Variants in SETX observed in about 807,000 individuals in gnomAD.
SETX encodes helicase senataxin.
Under a neutral mutation model 227.2 loss-of-function variants are expected in SETX, and 90 were observed. The ratio of observed to expected loss-of-function variants is 0.40; its 90% CI spans 0.33 to 0.47. The LOEUF (loss-of-function observed/expected upper bound fraction) is 0.47. Ranked by LOEUF, SETX falls within the 20% of genes least tolerant of loss-of-function variation. The pLI, the probability that SETX is intolerant of heterozygous loss-of-function variation, is 0.91. For missense variants in SETX, 3,052 were observed against 3,181.5 expected, an observed-to-expected ratio of 0.96 and a Z score of 0.98; for synonymous variants, 1,210 against 1,113.2, an observed-to-expected ratio of 1.09 and a Z score of -1.73.
rs777849360 is a variant in SETX at position 132,330,209 on chromosome 9, T to C, written c.1389A>G (p.Val463=). 5 of 1,570,824 alleles carry C rather than the reference T, an allele frequency of 3.2e-6. No individual in the cohort carries two copies. The highest frequency in any genetic ancestry group is 4.3e-6 in the Non-Finnish European group (5 of 1,158,482). Residue 463 remains valine (V), a synonymous_variant, in exon 10 of 26, where the codon GTA becomes GTG. Coordinates refer to ENST00000224140, the MANE Select transcript of SETX (RefSeq NM_015046.7). ...TATTTCTATGCAGTTCAATCACTGATACCAAAATTAGAAGAAAAAATTCAG... is the reference window on the plus strand; with the variant it reads ...TATTTCTATGCAGTTCAATCACTGACACCAAAATTAGAAGAAAAAATTCAG... ...KVTEFFLLIL[V]SVIELHRNKK...
upstream of SETX, among the ~76,000 whole-genome samples, chr9:132,355,331 TC>T (rs1383673149): frequency 6.6e-6 from 1 of 151,728 alleles, no homozygotes; most frequent in East Asian, 2.0e-4. Context: ...GCTGGCCATT[TC>T]CGTTCCCTCT....
intron 19 of SETX, 108 bp downstream of exon 19, chr9:132,283,156 G>T: frequency 7.4e-7 from 1 of 1,350,342 alleles, no homozygotes. Flanking sequence ...GTGAAAATCA[G>T]ATGCAAAAAA....
intron 5 of SETX, among the ~76,000 whole-genome samples, 178 bp downstream of exon 5, chr9:132,342,512 C>T (rs1383280812): frequency 2.0e-5 from 3 of 152,188 alleles, no homozygotes; most frequent in Non-Finnish European, 4.4e-5. Context: ...ATCCCCTACC[C>T]TCTGAGATCC....
At chr9:132,314,558 G>A (rs1395941798) in intron 10 of SETX, among the ~76,000 whole-genome samples, 1 of 152,084 alleles carries the variant, frequency 6.6e-6, no homozygotes, top group African/African-American at 2.4e-5. Context: ...TGGTAATAAT[G>A]TAACAATCTC....
chr9:132,340,356 G>A (rs1470863045), intron 5 of SETX, among the ~76,000 whole-genome samples: 2 of 152,130 alleles, frequency 1.3e-5, no homozygotes, highest in East Asian at 3.9e-4. Flanking sequence ...CTGGACAAGT[G>A]TCCTAATATA....
chr9:132,283,370 T>A lies in SETX; in HGVS notation c.6440A>T (p.Glu2147Val). The change falls in exon 19 of 26, where the codon GAG becomes GTG. Residue 2147 changes from glutamate (E) to valine (V), a missense_variant. Transcript: ENST00000224140. ...CAACGTGCAGCAGATGATATGGGAC[T>A]CTAAGATGATGATACTCTGTGTTTT... Reference protein sequence around the residue: ...PQKTQSIIILESHIICCTLST... With the variant: ...PQKTQSIIILVSHIICCTLST... The A allele has an allele frequency of 6.2e-7, 1 of 1,614,174 alleles. No individual in the cohort carries two copies. Among genetic ancestry groups the A allele is most frequent in the Non-Finnish European group, 8.5e-7 (1 of 1,180,040 alleles).
intron 2 of SETX, among the ~76,000 whole-genome samples, chr9:132,350,317 T>C (rs759459893): frequency 2.6e-5 from 4 of 152,024 alleles, no homozygotes; most frequent in Admixed American, 2.0e-4. Flanking sequence ...GCCACTGCAC[T>C]CCAGCCTGGG....
At chr9:132,346,559 A>G in intron 3 of SETX, 88 bp from the exon 4 acceptor site, 1 of 933,032 alleles carries the variant, frequency 1.1e-6, no homozygotes, top group Non-Finnish European at 1.7e-6. Context: ...CCTTTTCCTA[A>G]GTACAAAAAT....
At chr9:132,293,973 G>A (rs973399097) in intron 15 of SETX, among the ~76,000 whole-genome samples, 4 of 152,014 alleles carry the variant, frequency 2.6e-5, no homozygotes, top group Non-Finnish European at 4.4e-5. Flanking sequence ...GCAGTGAGCC[G>A]AGATCGCGCC....
intron 12 of SETX, among the ~76,000 whole-genome samples, chr9:132,299,034 G>A (rs1844836929): frequency 6.6e-6 from 1 of 152,168 alleles, no homozygotes; most frequent in Admixed American, 6.5e-5. Flanking sequence ...TAGTAATTTA[G>A]GTAAAAGTTA....
intron 12 of SETX, 31 bp from the exon 13 acceptor site, chr9:132,298,343 A>G (rs376043992): frequency 4.5e-6 from 7 of 1,541,698 alleles, no homozygotes; most frequent in Non-Finnish European, 5.4e-6. Flanking sequence ...AAGCAACTTC[A>G]GTTATCACTG....
intron 1 of SETX, 109 bp downstream of exon 1, chr9:132,354,806 CCA>C (rs1848821357): frequency 6.6e-6 from 1 of 152,110 alleles, no homozygotes; most frequent in Non-Finnish European, 1.5e-5. Context: ...CCCCATCCGC[CCA>C]CCGGGACCTA....
intron 15 of SETX, among the ~76,000 whole-genome samples, chr9:132,294,634 G>A (rs1383169149): frequency 1.3e-5 from 2 of 152,246 alleles, no homozygotes; most frequent in Non-Finnish European, 2.9e-5. Flanking sequence ...CGGTGTGGCC[G>A]AAAGGAAATA....
At position 132,326,438 on chromosome 9, in the gene SETX, C is replaced by T. The variant is rs763408913; in HGVS notation, c.5160G>A (p.Gly1720=). 5 of 1,613,864 alleles carry T rather than the reference C, an allele frequency of 3.1e-6. No homozygotes were observed. Among genetic ancestry groups the T allele is most frequent in the Non-Finnish European group, 4.2e-6 (5 of 1,179,922 alleles). The change falls in exon 10 of 26, where the codon GGG becomes GGA. Residue 1720 remains glycine, a synonymous_variant. Coordinates refer to ENST00000224140, the MANE Select transcript of SETX (RefSeq NM_015046.7). ...YEMFLNFGQC[G]PPASLCQSIS... is the part of the protein sequence containing the mutation. The stretch of plus-strand genomic sequence containing the variant: ...TGGACTGACAAAGACTTGCAGGGGG[C>T]CCACACTGACCAAAGTTCAAAAACA...
chr9:132,335,253 T>A (rs62576477), intron 6 of SETX, among the ~76,000 whole-genome samples: 3 of 151,452 alleles, frequency 2.0e-5, no homozygotes, highest in East Asian at 2.0e-4. Flanking sequence ...TAGCCAGGCG[T>A]GGTGGCAGGC....
In SETX at chr9:132,269,603, T is replaced by C; in HGVS notation, c.7287+12A>G. On this transcript the variant is annotated intron_variant, in intron 25 of 25. Transcript: ENST00000224140. The stretch of plus-strand genomic sequence containing the variant: ...TAACAATGGGTAAACTTCTGAGCTC[T>C]CTGGTACCTACCATCAGGGTCCTCA... 6.2e-7 allele frequency: 1 copy of C among 1,614,048 alleles called. No individual in the cohort carries two copies. Among genetic ancestry groups the C allele is most frequent in the African/African-American group, 1.3e-5 (1 of 75,064 alleles).
At chr9:132,283,839 CCTGT>C (rs1473568695) in intron 18 of SETX, among the ~76,000 whole-genome samples, 6 of 151,192 alleles carry the variant, frequency 4.0e-5, no homozygotes, top group Non-Finnish European at 7.4e-5. Flanking sequence ...ATAATATTGC[CCTGT>C]CTTTTTTTAG....
intron 11 of SETX, among the ~76,000 whole-genome samples, chr9:132,305,078 A>G (rs7032656): frequency 0.25 from 37,968 of 151,910 alleles, 6,037 homozygotes; most frequent in East Asian, 0.67. Flanking sequence ...GGCCAGGCGC[A>G]GTGGCTCACG....
chr9:132,308,923 G>C (rs144353275), intron 11 of SETX, among the ~76,000 whole-genome samples: 1 of 152,108 alleles, frequency 6.6e-6, no homozygotes, highest in East Asian at 1.9e-4. Context: ...CAGATAACTT[G>C]AGGCCAGGAG....
Sources: gnomAD v4.1 joint callset for allele counts (sites outside exome capture counted in the v4.1 genomes callset) on GRCh38, gnomAD v4.1.1 for gene constraint, MANE v1.5 for transcripts, NCBI Gene and HGNC (gene_info 2026-07-23, HGNC 2026-07-21) for gene names.